MROH6: variants seen among roughly 807,000 people sequenced by gnomAD.
The protein encoded by MROH6 is maestro heat-like repeat-containing protein family member 6.
Under a neutral mutation model 67.7 loss-of-function variants are expected in MROH6, and 62 were observed. That is an observed-to-expected ratio of 0.92 (90% CI 0.75 to 1.13). MROH6 has a LOEUF of 1.13. MROH6 is among the 50% of genes most tolerant of loss of function. The pLI, the probability that MROH6 is intolerant of heterozygous loss-of-function variation, is 0.00. For missense variants in MROH6, 1,175 were observed against 1,029.1 expected (o/e 1.14, Z -1.94); for synonymous variants, 566 against 470.8 (o/e 1.20, Z -2.62).
chr8:143,571,746 G>A lies in MROH6; in HGVS notation c.523C>T (p.Arg175Ter), dbSNP rs995796400. 25 of 1,548,952 alleles carry A rather than the reference G, an allele frequency of 1.6e-5. No individual in the cohort carries two copies. In the African/African-American group the frequency reaches 1.8e-4, roughly 11 times the overall value. Residue 175 changes from arginine (R) to a stop codon, truncating the protein, a stop_gained, in exon 3 of 14, where the codon CGA becomes TGA. Transcript: ENST00000398882. LOFTEE classifies it high-confidence loss of function. ...TCCAGGGCCAGTGCGCTCAGCACTC[G>A]CAGGGCCGCCCTCCAGGGCCTCCCC... Reference protein sequence around the residue: ...AEGRPWRAALRVLSALALEHA... With the variant: ...AEGRPWRAAL
Position 143,567,305 on chromosome 8 carries a change from G to A in MROH6, c.2094C>T (p.Ala698=), listed in dbSNP as rs908553232. 45 of 1,221,264 alleles carry A rather than the reference G, an allele frequency of 3.7e-5. No homozygotes were observed. The African/African-American group carries it at 4.4e-4, about 12-fold the overall frequency. 75.7% of individuals were successfully genotyped at this position (1,221,264 alleles called of 1,614,324 possible). ...PRPARPPPVF[A]DSPFQRRSVA... is the part of the protein sequence containing the mutation. ...CGCTCCGGCGCTGGAAGGGGCTGTC[G>A]GCGAAGACTGGTGGGGGCCGGGCGG... is the stretch of plus-strand genomic sequence containing the variant. Residue 698 remains alanine, a synonymous_variant, in exon 14 of 14, where the codon GCC becomes GCT. Transcript: ENST00000398882.
In MROH6 at chr8:143,568,603, ACT is replaced by A. The variant is rs766315269; in HGVS notation, c.1591_1592del (p.Leu532ArgfsTer9). The A allele has an allele frequency of 1.1e-5, 17 of 1,544,980 alleles. No homozygotes were observed. Among genetic ancestry groups the A allele is most frequent in the South Asian group, 4.7e-5 (4 of 84,914 alleles). ...GCAGGCGCAGCAGCAGCGGCACGAG[ACT>A]CTGCAGCACCAGCTTCCGCAGGGGG... ...RGPLRKLVLQ[S>X]LVPLLLRLHD... On this transcript the variant is annotated frameshift_variant, in exon 10 of 14. Coordinates refer to ENST00000398882, the MANE Select transcript of MROH6 (RefSeq NM_001100878.2). LOFTEE classifies it high-confidence loss of function.
rs766969726 is a variant in MROH6, at chr8:143,567,647, A to G, written c.1897T>C (p.Cys633Arg). 1 of 1,574,502 alleles carries G rather than the reference A, an allele frequency of 6.4e-7. No individual in the cohort carries two copies. The highest frequency in any genetic ancestry group is 1.2e-5 in the South Asian group (1 of 85,918). ...GAGTCCAGCAGGTCCTGGTTGACACAGCCGGGGCTGGCGTGGTGGACAAGG... is the reference window on the plus strand; with the variant it reads ...GAGTCCAGCAGGTCCTGGTTGACACGGCCGGGGCTGGCGTGGTGGACAAGG... ...GFLVHHASPG[C>R]VNQDLLDSLF... The change falls in exon 13 of 14, where the codon TGT becomes CGT. Residue 633 changes from cysteine (C) to arginine (R), a missense_variant. Coordinates refer to ENST00000398882, the MANE Select transcript of MROH6 (RefSeq NM_001100878.2).
In MROH6 at chr8:143,567,513, G is replaced by GC. The variant is rs1180656614; in HGVS notation, c.1934-49dup. On this transcript the variant is annotated intron_variant, in intron 13 of 13. Coordinates refer to ENST00000398882, the MANE Select transcript of MROH6 (RefSeq NM_001100878.2). ...GCTGGGGAGCCCAGGAGGGCCGAGTGCCCGGGCCCCTGGCCCTCCACCCAC... is the reference window on the plus strand; with the variant it reads ...GCTGGGGAGCCCAGGAGGGCCGAGTGCCCCGGGCCCCTGGCCCTCCACCCAC... The GC allele has an allele frequency of 2.8e-6, 4 of 1,448,900 alleles. No individual in the cohort carries two copies. In the African/African-American group the frequency reaches 5.7e-5, roughly 21 times the overall value. 89.8% of individuals were successfully genotyped at this position (1,448,900 alleles called of 1,614,324 possible).
At chr8:143,568,751 A>T in intron 9 of MROH6, 32 bp from the exon 10 acceptor site, 2 of 1,415,776 alleles carry the variant, frequency 1.4e-6, no homozygotes, top group Non-Finnish European at 1.9e-6. Context: ...GGGCAGGCGG[A>T]GACAGAGAGG....
chr8:143,568,041 T>C (rs982659401), intron 11 of MROH6, 101 bp downstream of exon 11: 7 of 1,490,246 alleles, frequency 4.7e-6, no homozygotes, highest in Non-Finnish European at 6.3e-6. Flanking sequence ...GTAGCCTATC[T>C]GGTTTGGCTG....
In MROH6 at chr8:143,569,792, GGAT is replaced by G. The variant is rs772275568; in HGVS notation, c.1204_1206del (p.Ile402del). ...CCCTGCCAGGTGAGGAGTCGCTCCA[GGAT>G]GACCTCCTCCCGCAGGAGCCGTGCG... On this transcript the variant is annotated inframe_deletion, in exon 8 of 14. Coordinates refer to ENST00000398882, the MANE Select transcript of MROH6 (RefSeq NM_001100878.2). The G allele has an allele frequency of 1.3e-4, 213 of 1,612,370 alleles. No homozygotes were observed. Among genetic ancestry groups the G allele is most frequent in the Non-Finnish European group, 1.7e-4 (205 of 1,179,522 alleles).
At chr8:143,568,371 G>A (rs1823758468) in intron 10 of MROH6, 110 bp from the exon 11 acceptor site, 9 of 1,465,068 alleles carry the variant, frequency 6.1e-6, no homozygotes, top group African/African-American at 2.8e-5. Flanking sequence ...AGAGCCCAGG[G>A]CAGGAGACTG....
At position 143,567,424 on chromosome 8, in the gene MROH6, C is replaced by A; in HGVS notation, c.1975G>T (p.Ala659Ser). The change falls in exon 14 of 14, where the codon GCG (alanine) becomes TCG (serine). Residue 659 changes from alanine (A) to serine (S), a missense_variant. Physicochemically the swap from Ala to Ser is moderately conservative, Grantham distance 99. Coordinates refer to ENST00000398882, the MANE Select transcript of MROH6 (RefSeq NM_001100878.2). ...TGCTGAGCGGACACGTGCGCTGCCG[C>A]GGCCACAGCCGGCTTGGGGTCGCTC... ...LQSDPKPAVA[A>S]AAHVSAQQVA... 7.6e-7 allele frequency: 1 copy of A among 1,322,826 alleles called. No individual in the cohort carries two copies. 81.9% of individuals were successfully genotyped at this position (1,322,826 alleles called of 1,614,324 possible).
Position 143,570,991 on chromosome 8 carries a change from T to C in MROH6, c.606A>G (p.Val202=), listed in dbSNP as rs1469674825. ...LLPRSLPADR[V]AAELWRSLSR... is the part of the protein sequence containing the mutation. ...TTAGGCTGCGCCAGAGCTCGGCTGC[T>C]ACCCTGAGGGTTTGGAGGGGGCTGG... The change falls in exon 4 of 14, where the codon GTA becomes GTG. Residue 202 remains valine, a synonymous_variant. Transcript: ENST00000398882. The C allele has an allele frequency of 6.5e-7, 1 of 1,548,646 alleles. No homozygotes were observed. Among genetic ancestry groups the C allele is most frequent in the African/African-American group, 1.4e-5 (1 of 72,960 alleles).
At position 143,569,629 on chromosome 8, in the gene MROH6, G is replaced by A; in HGVS notation, c.1303-15C>T. The A allele has an allele frequency of 6.3e-7, 1 of 1,587,098 alleles. No homozygotes were observed. The highest frequency in any genetic ancestry group is 8.6e-7 in the Non-Finnish European group (1 of 1,165,416). ...ACGTGCCGCACCTGCTGGGACTCGG[G>A]GTCAGCCTCTTGCAGACCTCGCCGC... is the stretch of plus-strand genomic sequence containing the variant. On this transcript the variant is annotated splice_polypyrimidine_tract_variant and intron_variant, in intron 8 of 13. Transcript: ENST00000398882.
chr8:143,568,487 G>A (rs1187631109), intron 10 of MROH6, 65 bp downstream of exon 10: 3 of 1,462,138 alleles, frequency 2.1e-6, no homozygotes, highest in Non-Finnish European at 1.8e-6. Context: ...TGTCGGAGGG[G>A]AGGCACGGTG....
In MROH6 at chr8:143,572,455, C is replaced by T. The variant is rs1170220509; in HGVS notation, c.260G>A (p.Ser87Asn). ...CCCCTCAGGGGCTGGTTCCAGGGCA[C>T]TGTTGAGGGAGCAGGGCTCGCTGCC... is the stretch of plus-strand genomic sequence containing the variant. ...EAGSEPCSLN[S>N]ALEPAPEGPH... Residue 87 changes from serine to asparagine, a missense_variant, in exon 1 of 14, where the codon AGT (serine) becomes AAT (asparagine). By Grantham distance (46) the Ser-to-Asn change is conservative (BLOSUM62 1). Coordinates refer to ENST00000398882, the MANE Select transcript of MROH6 (RefSeq NM_001100878.2). The T allele has an allele frequency of 3.1e-6, 5 of 1,597,628 alleles. No individual in the cohort carries two copies. Among genetic ancestry groups the T allele is most frequent in the Non-Finnish European group, 4.3e-6 (5 of 1,175,548 alleles).
chr8:143,568,192 C>G lies in MROH6; in HGVS notation c.1714G>C (p.Val572Leu). 1 of 1,610,674 alleles carries G rather than the reference C, an allele frequency of 6.2e-7. No individual in the cohort carries two copies. The highest frequency in any genetic ancestry group is 8.5e-7 in the Non-Finnish European group (1 of 1,179,088). The change falls in exon 11 of 14, where the codon GTG becomes CTG. Residue 572 changes from valine (V) to leucine (L), a missense_variant. Coordinates refer to ENST00000398882, the MANE Select transcript of MROH6 (RefSeq NM_001100878.2). ...GCCTCGGGGCTGTCATAGTGGGCCA[C>G]GGTGACCAACTCCTCCAGCAGGCCC... is the stretch of plus-strand genomic sequence containing the variant. Reference protein sequence around the residue: ...CWGLLEELVTVAHYDSPEALS... With the variant: ...CWGLLEELVTLAHYDSPEALS...
At position 143,572,677 on chromosome 8, in the gene MROH6, T is replaced by A. The variant is rs551876162; in HGVS notation, c.38A>T (p.Glu13Val). ...GGVWGRSRAR[E>V]APVGALTLTA... Reference sequence around the variant, plus strand: ...CAGGGTTAGAGCCCCCACGGGAGCCTCCCGGGCCCGGCTCCGGCCCCACAC... The same window carrying A: ...CAGGGTTAGAGCCCCCACGGGAGCCACCCGGGCCCGGCTCCGGCCCCACAC... Residue 13 changes from glutamate to valine, a missense_variant, in exon 1 of 14, where the codon GAG becomes GTG. Transcript: ENST00000398882. 16 of 1,533,876 alleles carry A rather than the reference T, an allele frequency of 1.0e-5. No homozygotes were observed. In the African/African-American group the frequency reaches 2.2e-4, roughly 21 times the overall value.
Position 143,569,535 on chromosome 8 carries a change from A to C in MROH6, c.1382T>G (p.Leu461Arg). Residue 461 changes from leucine (L) to arginine (R), a missense_variant, in exon 9 of 14, where the codon CTG becomes CGG. Coordinates refer to ENST00000398882, the MANE Select transcript of MROH6 (RefSeq NM_001100878.2). ...CAGCAGGAGCCTCCTCAGGGCGCCC[A>C]GCGCTGCACCCACGAGCCGCGCGTC... Reference protein sequence around the residue: ...EGDARLVGAALGALRRLLLRP... With the variant: ...EGDARLVGAARGALRRLLLRP... 1 of 1,514,986 alleles carries C rather than the reference A, an allele frequency of 6.6e-7. No homozygotes were observed. The highest frequency in any genetic ancestry group is 1.2e-5 in the South Asian group (1 of 81,904). The allele number at this position is 1,514,986 out of a possible 1,614,324, so 93.8% of individuals were successfully genotyped here.
At position 143,568,198 on chromosome 8, in the gene MROH6, C is replaced by A; in HGVS notation, c.1708G>T (p.Val570Phe). The stretch of plus-strand genomic sequence containing the variant: ...GGGCTGTCATAGTGGGCCACGGTGA[C>A]CAACTCCTCCAGCAGGCCCCAGCAA... Reference protein sequence around the residue: ...AFCWGLLEELVTVAHYDSPEA... With the variant: ...AFCWGLLEELFTVAHYDSPEA... Residue 570 changes from valine (V) to phenylalanine (F), a missense_variant, in exon 11 of 14, where the codon GTC becomes TTC. Physicochemically the swap from Val to Phe is conservative, Grantham distance 50. Coordinates refer to ENST00000398882, the MANE Select transcript of MROH6 (RefSeq NM_001100878.2). The A allele has an allele frequency of 6.2e-7, 1 of 1,611,008 alleles. No individual in the cohort carries two copies. The highest frequency in any genetic ancestry group is 8.5e-7 in the Non-Finnish European group (1 of 1,179,234).
intron 6 of MROH6, 79 bp downstream of exon 6, chr8:143,570,162 CCT>C: frequency 1.3e-6 from 2 of 1,560,168 alleles, no homozygotes; most frequent in Non-Finnish European, 8.7e-7. Context: ...CTGCCTTTTC[CCT>C]GTCCCCCTGC....
Position 143,567,355 on chromosome 8 carries a change from GGGGCCC to G in MROH6, c.2038_2043del (p.Gly680_Pro681del). ...GGGCGCGGGGCGATGCGGAGAAGGCGGGGCCCGCGGGGGCAGCCCCGGGCACGGGCC... is the reference window on the plus strand; with the variant it reads ...GGGCGCGGGGCGATGCGGAGAAGGCGGCGGGGGCAGCCCCGGGCACGGGCC... On this transcript the variant is annotated inframe_deletion, in exon 14 of 14. Transcript: ENST00000398882. 1.6e-6 allele frequency: 2 copies of G among 1,220,682 alleles called. No homozygotes were observed. Among genetic ancestry groups the G allele is most frequent in the Non-Finnish European group, 2.0e-6 (2 of 979,976 alleles). The allele number at this position is 1,220,682 out of a possible 1,614,324, so 75.6% of individuals were successfully genotyped here.
Sources: gnomAD v4.1 joint callset for allele counts on GRCh38, gnomAD v4.1.1 for gene constraint, MANE v1.5 for transcripts, NCBI Gene and HGNC (gene_info 2026-07-23, HGNC 2026-07-21) for gene names.